The following MAGI2 variants were observed in gnomAD, a reference collection of about 807,000 sequenced individuals.
The protein encoded by MAGI2 is membrane-associated guanylate kinase, WW and PDZ domain-containing protein 2.
Under a neutral mutation model 133.3 loss-of-function variants are expected in MAGI2, and 35 were observed. That is an observed-to-expected ratio of 0.26 (90% CI 0.20 to 0.35). The LOEUF (loss-of-function observed/expected upper bound fraction) is 0.35, where lower values mean the gene tolerates loss of function less well. MAGI2 is among the 10% of genes least tolerant of loss of function. The probability of loss-of-function intolerance (pLI) is 1.00; values close to 1 mark genes in which losing one functional copy is unlikely to be tolerated. For missense variants in MAGI2, 1,636 were observed against 1,863.4 expected (o/e 0.88, Z 2.25); for synonymous variants, 729 against 710.6 (o/e 1.03, Z -0.41).
chr7:78,971,181 G>A (rs1803756850), intron 2 of MAGI2, among the ~76,000 whole-genome samples: 1 of 152,000 alleles, frequency 6.6e-6, no homozygotes, highest in African/African-American at 2.4e-5. Flanking sequence ...ATCAGTAAGT[G>A]TGTTTACAAG....
intron 1 of MAGI2, among the ~76,000 whole-genome samples, chr7:79,030,658 A>G (rs547862852): frequency 6.6e-6 from 1 of 152,332 alleles, no homozygotes; most frequent in South Asian, 2.1e-4. Context: ...GAGAGAATCT[A>G]CTATATTAAT....
intron 1 of MAGI2, among the ~76,000 whole-genome samples, chr7:79,051,221 A>C (rs1379682308): frequency 6.6e-6 from 1 of 152,154 alleles, no homozygotes; most frequent in Non-Finnish European, 1.5e-5. Flanking sequence ...CTATTTTCTT[A>C]GATTCTTCTC....
intron 2 of MAGI2, among the ~76,000 whole-genome samples, chr7:79,000,700 G>T (rs191344660): frequency 4.9e-4 from 75 of 152,078 alleles, no homozygotes; most frequent in Non-Finnish European, 1.0e-3. Context: ...AAACAAATTT[G>T]GCATAAATAT....
chr7:78,298,062 G>A lies in MAGI2; in HGVS notation c.1409-41481C>T, dbSNP rs192310586. On this transcript the variant is annotated intron_variant, in intron 9 of 21. Coordinates refer to ENST00000354212, the MANE Select transcript of MAGI2 (RefSeq NM_012301.4). ...TGTCATGTTGATAGCATATACTTTC[G>A]ATATGATGTGATGAGAATGCCATTT... 3.2e-4 allele frequency among the ~76,000 whole-genome samples: 49 copies of A among 151,504 alleles called. 1 individual carries two copies. Among genetic ancestry groups the A allele is most frequent in the Admixed American group, 2.3e-3 (35 of 15,228 alleles).
At chr7:79,239,474 A>T (rs980358707) in intron 1 of MAGI2, among the ~76,000 whole-genome samples, 3 of 152,224 alleles carry the variant, frequency 2.0e-5, no homozygotes, top group African/African-American at 7.2e-5. Context: ...TTCATTTATC[A>T]AAACTTTACC....
chr7:79,434,121 GA>G (rs906998053), intron 1 of MAGI2, among the ~76,000 whole-genome samples: 29 of 145,610 alleles, frequency 2.0e-4, no homozygotes, highest in East Asian at 1.0e-3. Context: ...CTCTTTTGGA[GA>G]AAAAAAAAAG....
At chr7:78,732,361 T>C (rs1324672741) in intron 2 of MAGI2, among the ~76,000 whole-genome samples, 1 of 152,182 alleles carries the variant, frequency 6.6e-6, no homozygotes, top group Non-Finnish European at 1.5e-5. Flanking sequence ...ACCTTAAGTA[T>C]ATTTATGGAA....
intron 7 of MAGI2, among the ~76,000 whole-genome samples, chr7:78,357,972 A>C (rs1373083006): frequency 1.3e-5 from 2 of 150,932 alleles, no homozygotes; most frequent in African/African-American, 4.9e-5. Context: ...ACTAGTAATA[A>C]ATAATGTTTA....
intron 3 of MAGI2, among the ~76,000 whole-genome samples, chr7:78,545,149 T>G (rs1338761555): frequency 6.6e-6 from 1 of 151,624 alleles, no homozygotes; most frequent in African/African-American, 2.4e-5. Flanking sequence ...AACTTGAAAT[T>G]ATAAGTCTTC....
chr7:78,633,416 G>C (rs1327426420), intron 2 of MAGI2, among the ~76,000 whole-genome samples: 2 of 151,934 alleles, frequency 1.3e-5, no homozygotes, highest in African/African-American at 4.8e-5. Context: ...TTTTTAAAGT[G>C]AGAGAATGGC....
intron 13 of MAGI2, among the ~76,000 whole-genome samples, chr7:78,183,249 C>G (rs1359001257): frequency 1.3e-5 from 2 of 150,038 alleles, no homozygotes; most frequent in East Asian, 3.9e-4. Context: ...CTTATTTTAT[C>G]TTATTTTTGT....
chr7:78,976,441 T>C (rs1804256304), intron 2 of MAGI2, among the ~76,000 whole-genome samples: 1 of 148,292 alleles, frequency 6.7e-6, no homozygotes, highest in African/African-American at 2.6e-5. Context: ...GTACAGAACA[T>C]CCACAAAAAA....
At chr7:79,315,395 G>A (rs1838640913) in intron 1 of MAGI2, among the ~76,000 whole-genome samples, 1 of 140,868 alleles carries the variant, frequency 7.1e-6, no homozygotes, top group South Asian at 2.3e-4. Context: ...GGTTGGTCTT[G>A]AACTCCTGAC....
At chr7:78,706,710 T>C (rs558641786) in intron 2 of MAGI2, among the ~76,000 whole-genome samples, 305 of 152,210 alleles carry the variant, frequency 2.0e-3, no homozygotes, top group African/African-American at 7.0e-3. Flanking sequence ...TGGAGATCTG[T>C]CTAAGAGGGA....
intron 2 of MAGI2, among the ~76,000 whole-genome samples, chr7:78,687,847 G>T (rs1454423845): frequency 6.6e-6 from 1 of 151,484 alleles, no homozygotes; most frequent in Non-Finnish European, 1.5e-5. Context: ...GCATACACCT[G>T]TAGTCCCAGC....
chr7:78,581,782 A>AT (rs890241334), intron 3 of MAGI2, among the ~76,000 whole-genome samples: 31 of 151,628 alleles, frequency 2.0e-4, no homozygotes, highest in African/African-American at 4.6e-4. Context: ...AAACCTGTGC[A>AT]TTTTTTTTTC....
intron 2 of MAGI2, chr7:78,901,599 G>A: frequency 6.6e-6 from 1 of 151,950 alleles, no homozygotes; most frequent in East Asian, 1.9e-4. Flanking sequence ...CACCAGAGAT[G>A]GTGAGAATCA....
chr7:78,698,459 G>A (rs2151141596), intron 2 of MAGI2, among the ~76,000 whole-genome samples: 1 of 152,266 alleles, frequency 6.6e-6, no homozygotes, highest in African/African-American at 2.4e-5. Context: ...GTGCTGCTTA[G>A]TTACCCTGAA....
chr7:78,197,590 A>G (rs942876477), intron 11 of MAGI2, among the ~76,000 whole-genome samples: 1 of 152,240 alleles, frequency 6.6e-6, no homozygotes, highest in African/African-American at 2.4e-5. Context: ...GAAGGCTGCC[A>G]TGGCAGATTG....
Sources: gnomAD v4.1 joint callset for allele counts (sites outside exome capture counted in the v4.1 genomes callset) on GRCh38, gnomAD v4.1.1 for gene constraint, MANE v1.5 for transcripts, NCBI Gene and HGNC (gene_info 2026-07-23, HGNC 2026-07-21) for gene names.